SNX29: variants seen among roughly 807,000 people sequenced by gnomAD.
The protein encoded by SNX29 is sorting nexin-29.
Under a neutral mutation model 102.1 loss-of-function variants are expected in SNX29, and 78 were observed. That is an observed-to-expected ratio of 0.76 (90% CI 0.64 to 0.92). The LOEUF (loss-of-function observed/expected upper bound fraction) is 0.92. SNX29 is among the 40% of genes least tolerant of loss of function. The pLI is 0.00. For missense variants in SNX29, 1,280 were observed against 1,061.7 expected, an observed-to-expected ratio of 1.21 and a Z score of -2.86; for synonymous variants, 580 against 414.5, an observed-to-expected ratio of 1.40 and a Z score of -4.85.
intron 14 of SNX29, among the ~76,000 whole-genome samples, chr16:12,276,390 C>G (rs1237677565): frequency 6.6e-6 from 1 of 152,204 alleles, no homozygotes; most frequent in Non-Finnish European, 1.5e-5. Context: ...CACTCAGGGT[C>G]TTGAGCCTTC....
chr16:12,287,520 G>C (rs1174936361), intron 15 of SNX29, among the ~76,000 whole-genome samples: 3 of 152,150 alleles, frequency 2.0e-5, no homozygotes, highest in Non-Finnish European at 4.4e-5. Flanking sequence ...CCAGCATCAA[G>C]TAGTGTTTGG....
chr16:12,393,647 A>G (rs1257015980), intron 16 of SNX29, among the ~76,000 whole-genome samples: 2 of 152,156 alleles, frequency 1.3e-5, no homozygotes, highest in Non-Finnish European at 2.9e-5. Flanking sequence ...TGGTCTGGGA[A>G]GGTGCCTCCT....
chr16:12,376,240 C>A (rs2082869940), intron 16 of SNX29, among the ~76,000 whole-genome samples: 2 of 152,168 alleles, frequency 1.3e-5, no homozygotes, highest in South Asian at 2.1e-4. Context: ...CACGCCACGT[C>A]CCTGGCACCT....
rs1007939840 is a variant in SNX29, at chr16:12,548,387, C to T, written c.2319-20119C>T. Among the ~76,000 whole-genome samples the T allele has an allele frequency of 5.3e-5, 8 of 152,326 alleles. No individual in the cohort carries two copies. In the East Asian group the frequency reaches 9.6e-4, roughly 18 times the overall value. On this transcript the variant is annotated intron_variant, in intron 20 of 20. Coordinates refer to ENST00000566228, the MANE Select transcript of SNX29 (RefSeq NM_032167.5). ...CACATGGAAGGGAGTCCCACACCTT[C>T]TAAGGTCTCCTTTGTAACCTACCTC...
intron 16 of SNX29, among the ~76,000 whole-genome samples, chr16:12,391,567 A>G (rs1407713001): frequency 3.9e-5 from 6 of 152,218 alleles, no homozygotes; most frequent in Non-Finnish European, 5.9e-5. Context: ...AGAGTCTACC[A>G]TTAACATTTT....
rs117147256 is a variant in SNX29, at chr16:12,110,965, C to T, written c.1403-15668C>T. Among the ~76,000 whole-genome samples the T allele has an allele frequency of 3.6e-4, 54 of 152,086 alleles. No homozygotes were observed. In the East Asian group the frequency reaches 5.6e-3, roughly 16 times the overall value. On this transcript the variant is annotated intron_variant, in intron 11 of 20. Transcript: ENST00000566228. ...CAGAGTAGCTGAGATCACAGGTGCA[C>T]GCTACCACGCCTGGCTAATTTCTTA...
chr16:12,189,920 C>A (rs576481679), intron 13 of SNX29, among the ~76,000 whole-genome samples: 2 of 152,228 alleles, frequency 1.3e-5, no homozygotes, highest in African/African-American at 4.8e-5. Flanking sequence ...ACATTGATGT[C>A]TTTAATCCCA....
chr16:12,191,097 C>T (rs924102979), intron 13 of SNX29, among the ~76,000 whole-genome samples: 3 of 152,144 alleles, frequency 2.0e-5, no homozygotes, highest in African/African-American at 7.2e-5. Flanking sequence ...ACCGTTCCAT[C>T]TCAGATCCTC....
chr16:12,247,178 G>A (rs112137965), intron 14 of SNX29, among the ~76,000 whole-genome samples: 3,046 of 152,230 alleles, frequency 0.02, 72 homozygotes, highest in African/African-American at 0.051. Context: ...GGCAGAGGCC[G>A]GTATGGGGTG....
At chr16:12,559,263 T>G (rs927730388) in intron 20 of SNX29, among the ~76,000 whole-genome samples, 9 of 152,106 alleles carry the variant, frequency 5.9e-5, no homozygotes, top group Admixed American at 5.2e-4. Context: ...GAGCTCTGCC[T>G]GTCAGATCAG....
chr16:11,993,963 A>T (rs1218123787), intron 1 of SNX29, among the ~76,000 whole-genome samples: 1 of 152,194 alleles, frequency 6.6e-6, no homozygotes, highest in African/African-American at 2.4e-5. Context: ...TCTACTAAAA[A>T]TACAAAAATT....
chr16:12,277,914 T>C lies in SNX29; in HGVS notation c.1679-19T>C, dbSNP rs1048851048. On this transcript the variant is annotated intron_variant, in intron 14 of 20. Transcript: ENST00000566228. ...CGATACTGTTGAAATATTTATGACA[T>C]GTCTCTCTTTCTCTAAAGTGCCAAA... The C allele has an allele frequency of 6.3e-7, 1 of 1,584,314 alleles. No individual in the cohort carries two copies. Among genetic ancestry groups the C allele is most frequent in the Non-Finnish European group, 8.6e-7 (1 of 1,161,968 alleles).
At chr16:12,101,158 A>C (rs2052992764) in intron 11 of SNX29, among the ~76,000 whole-genome samples, 1 of 152,122 alleles carries the variant, frequency 6.6e-6, no homozygotes, top group Non-Finnish European at 1.5e-5. Context: ...TTCCTGCTGG[A>C]ATAGGTAGAG....
At chr16:12,140,904 T>C (rs1353201572) in intron 13 of SNX29, among the ~76,000 whole-genome samples, 2 of 152,258 alleles carry the variant, frequency 1.3e-5, no homozygotes, top group East Asian at 3.8e-4. Flanking sequence ...ATGAAATTTA[T>C]AGCGAATATA....
At chr16:12,466,602 C>T (rs1469196406) in intron 18 of SNX29, among the ~76,000 whole-genome samples, 1 of 152,146 alleles carries the variant, frequency 6.6e-6, no homozygotes, top group Non-Finnish European at 1.5e-5. Context: ...TGCTTGTGTC[C>T]ACCACTCCCT....
At chr16:12,152,629 C>A (rs571015051) in intron 13 of SNX29, among the ~76,000 whole-genome samples, 6 of 152,332 alleles carry the variant, frequency 3.9e-5, no homozygotes, top group African/African-American at 1.4e-4. Flanking sequence ...TTCCATTTTC[C>A]TGCAGAAAAA....
Position 12,356,265 on chromosome 16 carries a change from G to A in SNX29, c.1885G>A (p.Asp629Asn), listed in dbSNP as rs578191597. The stretch of plus-strand genomic sequence containing the variant: ...GTCCCAGATGAGGCAGGAGCTCATC[G>A]ATCTCCGGGGACCGGTGAGTGTTTC... ...LVSQMRQELI[D>N]LRGPVPGDLS... Residue 629 changes from aspartate (D) to asparagine (N), a missense_variant, in exon 16 of 21, where the codon GAT (aspartate) becomes AAT (asparagine). Coordinates refer to ENST00000566228, the MANE Select transcript of SNX29 (RefSeq NM_032167.5). 2.5e-6 allele frequency: 4 copies of A among 1,606,458 alleles called. No homozygotes were observed. Among genetic ancestry groups the A allele is most frequent in the Non-Finnish European group, 3.4e-6 (4 of 1,176,842 alleles).
intron 11 of SNX29, among the ~76,000 whole-genome samples, chr16:12,113,012 T>G (rs1353319166): frequency 6.6e-6 from 1 of 152,068 alleles, no homozygotes; most frequent in Admixed American, 6.5e-5. Context: ...GAGATCCACA[T>G]GATTCCCATT....
chr16:12,214,404 C>T (rs1206712220), intron 14 of SNX29, among the ~76,000 whole-genome samples: 1 of 152,240 alleles, frequency 6.6e-6, no homozygotes, highest in Non-Finnish European at 1.5e-5. Context: ...CAACTGCTTT[C>T]TGTCCTGGGA....
Sources: allele counts gnomAD v4.1 joint callset (sites outside exome capture counted in the v4.1 genomes callset), GRCh38; gene constraint gnomAD v4.1.1; transcripts MANE v1.5; gene names NCBI Gene and HGNC (gene_info 2026-07-23, HGNC 2026-07-21).